LHFPL4: variants seen among roughly 807,000 people sequenced by gnomAD.
LHFPL4 encodes the protein LHFPL tetraspan subfamily member 4 protein.
In LHFPL4, 6 loss-of-function variants were observed where a neutral mutation model predicts 20.0. The ratio of observed to expected loss-of-function variants is 0.30; its 90% CI spans 0.16 to 0.59. The LOEUF (loss-of-function observed/expected upper bound fraction) is 0.59, where lower values mean the gene tolerates loss of function less well. LHFPL4 is among the 20% of genes least tolerant of loss of function. The pLI, the probability that LHFPL4 is intolerant of heterozygous loss-of-function variation, is 0.88. For synonymous variants in LHFPL4, 129 were observed against 143.8 expected (o/e 0.90, Z 0.74); for missense variants, 215 against 331.2 (o/e 0.65, Z 2.72).
At chr3:9,510,502 C>T (rs1370626565) in intron 2 of LHFPL4, among the ~76,000 whole-genome samples, 1 of 151,296 alleles carries the variant, frequency 6.6e-6, no homozygotes, top group African/African-American at 2.4e-5. Context: ...GGTGTAGGGG[C>T]AGAGGCTCTA....
intron 2 of LHFPL4, among the ~76,000 whole-genome samples, chr3:9,513,787 A>G (rs1235152430): frequency 2.0e-5 from 3 of 152,082 alleles, no homozygotes; most frequent in African/African-American, 7.2e-5. Context: ...AAGTCCCTTC[A>G]CCTCTTGGTG....
At chr3:9,502,442 C>T in intron 3 of LHFPL4, 131 bp from the exon 4 acceptor site, 1 of 686,144 alleles carries the variant, frequency 1.5e-6, no homozygotes, top group South Asian at 1.7e-5. Flanking sequence ...TGGCTGACGC[C>T]TGTAATCCCA....
At chr3:9,549,736 G>C (rs2046541098) in intron 2 of LHFPL4, among the ~76,000 whole-genome samples, 1 of 152,080 alleles carries the variant, frequency 6.6e-6, no homozygotes, top group Non-Finnish European at 1.5e-5. Context: ...AAAATCATAT[G>C]AGAGGCACTT....
intron 2 of LHFPL4, among the ~76,000 whole-genome samples, chr3:9,523,272 T>C (rs1312170674): frequency 3.3e-5 from 5 of 150,410 alleles, no homozygotes; most frequent in African/African-American, 1.2e-4. Context: ...TCCCAGCTAC[T>C]CGGGAGGCTG....
At chr3:9,505,546 C>T (rs1339437623) in intron 3 of LHFPL4, among the ~76,000 whole-genome samples, 7 of 152,102 alleles carry the variant, frequency 4.6e-5, no homozygotes, top group Non-Finnish European at 7.4e-5. Context: ...CTCCACCTCC[C>T]GGGTTCATGC....
At chr3:9,548,968 G>A (rs1336554583) in intron 2 of LHFPL4, among the ~76,000 whole-genome samples, 2 of 152,164 alleles carry the variant, frequency 1.3e-5, no homozygotes, top group Non-Finnish European at 2.9e-5. Flanking sequence ...TAAAATGAGC[G>A]AGCACAGAGG....
intron 2 of LHFPL4, among the ~76,000 whole-genome samples, chr3:9,537,987 C>A (rs1444619788): frequency 6.6e-6 from 1 of 152,166 alleles, no homozygotes; most frequent in Non-Finnish European, 1.5e-5. Context: ...TCTTCCTCCA[C>A]CCTAGGTCTG....
rs569680485 is a variant in LHFPL4 at position 9,513,877 on chromosome 3, T to C, written c.407-7674A>G. ...AATGGTAGGACATCTCCATTGGTTT[T>C]GGGGTGTGAGGGTGGCACGTGCACT... is the stretch of plus-strand genomic sequence containing the variant. On this transcript the variant is annotated intron_variant, in intron 2 of 3. Coordinates refer to ENST00000287585, the MANE Select transcript of LHFPL4 (RefSeq NM_198560.3). 2.6e-5 allele frequency among the ~76,000 whole-genome samples: 4 copies of C among 152,286 alleles called. No individual in the cohort carries two copies. In the South Asian group the frequency reaches 6.2e-4, roughly 24 times the overall value.
chr3:9,523,226 A>G (rs977453090), intron 2 of LHFPL4, among the ~76,000 whole-genome samples: 2 of 149,562 alleles, frequency 1.3e-5, no homozygotes, highest in African/African-American at 4.9e-5. Flanking sequence ...TACTAAAAAT[A>G]CAAAAATTAG....
At chr3:9,509,724 G>A (rs1214388886) in intron 2 of LHFPL4, among the ~76,000 whole-genome samples, 1 of 152,212 alleles carries the variant, frequency 6.6e-6, no homozygotes, top group Non-Finnish European at 1.5e-5. Flanking sequence ...CCGGGAATGG[G>A]AAATATCAGA....
At chr3:9,546,336 A>G (rs1293501674) in intron 2 of LHFPL4, among the ~76,000 whole-genome samples, 1 of 151,312 alleles carries the variant, frequency 6.6e-6, no homozygotes, top group East Asian at 1.9e-4. Flanking sequence ...AAAGAAAAAG[A>G]AAAAAAGAAC....
At chr3:9,527,448 G>A (rs1425950294) in intron 2 of LHFPL4, among the ~76,000 whole-genome samples, 1 of 152,038 alleles carries the variant, frequency 6.6e-6, no homozygotes, top group Non-Finnish European at 1.5e-5. Flanking sequence ...GGGCATCGTG[G>A]TGCATGCCTG....
chr3:9,505,113 G>A (rs1235048793), intron 3 of LHFPL4, among the ~76,000 whole-genome samples: 2 of 152,182 alleles, frequency 1.3e-5, no homozygotes, highest in African/African-American at 4.8e-5. Flanking sequence ...TTGCTACAGT[G>A]AAGCTGCAGC....
chr3:9,553,443 G>C (rs1175147313), intron 1 of LHFPL4, among the ~76,000 whole-genome samples: 1 of 151,806 alleles, frequency 6.6e-6, no homozygotes, highest in African/African-American at 2.4e-5. Flanking sequence ...AGGTAGGCTG[G>C]AGGGAGCCTA....
Position 9,499,957 on chromosome 3 carries a change from A to T in LHFPL4, c.*2254T>A, listed in dbSNP as rs145885788. On this transcript the variant is annotated 3_prime_UTR_variant, in exon 4 of 4. Coordinates refer to ENST00000287585, the MANE Select transcript of LHFPL4 (RefSeq NM_198560.3). ...TCCCGAGTCCTTTTTCCGCCTTTTC[A>T]TCCATTTCCCCTCCCCCACCCCAAG... is the stretch of plus-strand genomic sequence containing the variant. 1 of 147,442 alleles carries T rather than the reference A, an allele frequency of 6.8e-6. No homozygotes were observed. The highest frequency in any genetic ancestry group is 2.0e-4 in the East Asian group (1 of 4,984). 9.1% of individuals were successfully genotyped at this position (147,442 alleles called of 1,614,324 possible).
intron 3 of LHFPL4, 78 bp from the exon 4 acceptor site, chr3:9,502,389 G>T: frequency 1.8e-6 from 2 of 1,097,242 alleles, no homozygotes; most frequent in Non-Finnish European, 2.8e-6. Flanking sequence ...GGCTTTCCTT[G>T]CACATTCCCC....
intron 2 of LHFPL4, among the ~76,000 whole-genome samples, chr3:9,523,450 C>A (rs976715579): frequency 6.8e-6 from 1 of 147,872 alleles, no homozygotes; most frequent in African/African-American, 2.5e-5. Context: ...GAGACAGAGT[C>A]TTTATTTATT....
At chr3:9,509,226 T>C (rs1326398104) in intron 2 of LHFPL4, among the ~76,000 whole-genome samples, 2 of 126,932 alleles carry the variant, frequency 1.6e-5, no homozygotes, top group African/African-American at 2.9e-5. Flanking sequence ...CCCCACCCTT[T>C]TCATCTTTCT....
At chr3:9,510,594 T>G (rs1485950796) in intron 2 of LHFPL4, among the ~76,000 whole-genome samples, 1 of 151,944 alleles carries the variant, frequency 6.6e-6, no homozygotes, top group Non-Finnish European at 1.5e-5. Context: ...TATGACAAAA[T>G]TAAGATGAAC....
Sources: allele counts gnomAD v4.1 joint callset (sites outside exome capture counted in the v4.1 genomes callset), GRCh38; gene constraint gnomAD v4.1.1; transcripts MANE v1.5; gene names NCBI Gene and HGNC (gene_info 2026-07-23, HGNC 2026-07-21).